The following STOX1 variants were observed in gnomAD, a reference collection of about 807,000 sequenced individuals.
STOX1 encodes the protein storkhead box 1.
A neutral mutation model predicts 74.8 loss-of-function variants in STOX1; 57 were observed. The observed-to-expected ratio is 0.76, with a 90% CI of 0.62 to 0.95. STOX1 has a LOEUF of 0.95. Ranked by LOEUF, STOX1 falls within the 40% of genes least tolerant of loss-of-function variation. STOX1 has a pLI of 0.00. For synonymous variants in STOX1, 375 were observed against 401.3 expected (o/e 0.93, Z 0.78); for missense variants, 1,010 against 1,117.0 (o/e 0.90, Z 1.37).
intron 2 of STOX1, among the ~76,000 whole-genome samples, chr10:68,883,972 C>T (rs112649194): frequency 0.059 from 8,983 of 151,948 alleles, 863 homozygotes; most frequent in African/African-American, 0.2. Context: ...GATCCTTCCA[C>T]ACCTGGCTAA....
Position 68,884,919 on chromosome 10 carries a change from A to G in STOX1, c.1123A>G (p.Ile375Val). 1 of 1,614,144 alleles carries G rather than the reference A, an allele frequency of 6.2e-7. No homozygotes were observed. Among genetic ancestry groups the G allele is most frequent in the Non-Finnish European group, 8.5e-7 (1 of 1,180,018 alleles). Residue 375 changes from isoleucine (I) to valine (V), a missense_variant, in exon 3 of 4, where the codon ATC becomes GTC. Coordinates refer to ENST00000298596, the MANE Select transcript of STOX1 (RefSeq NM_152709.5). Reference protein sequence around the residue: ...INPILTVDNLIKHTVLMQKYE... With the variant: ...INPILTVDNLVKHTVLMQKYE... ...CCCCATTTTGACTGTTGACAATTTA[A>G]TCAAACACACTGTCCTAATGCAAAA...
chr10:68,885,294 TTG>T lies in STOX1; in HGVS notation c.1500_1501del (p.Leu500PhefsTer18). 1 of 1,614,212 alleles carries T rather than the reference TTG, an allele frequency of 6.2e-7. No homozygotes were observed. The highest frequency in any genetic ancestry group is 2.2e-5 in the East Asian group (1 of 44,886). On this transcript the variant is annotated frameshift_variant, in exon 3 of 4. Coordinates refer to ENST00000298596, the MANE Select transcript of STOX1 (RefSeq NM_152709.5). LOFTEE classifies it high-confidence loss of function. ...KKRISNPFQG[L>X]SHRGSTISKG... is the part of the protein sequence containing the mutation. The stretch of plus-strand genomic sequence containing the variant: ...GCGAATCAGTAATCCTTTCCAGGGT[TTG>T]TCTCACCGAGGAAGCACAATATCCA...
At chr10:68,880,164 C>CTTTTTTTTTTTTTTTT (rs71028800) in intron 1 of STOX1, among the ~76,000 whole-genome samples, 48 of 124,424 alleles carry the variant, frequency 3.9e-4, no homozygotes, top group African/African-American at 1.1e-3. Flanking sequence ...TCTTTCTTTC[C>CTTTTTTTTTTTTTTTT]TTTTTTTTTT....
Position 68,885,048 on chromosome 10 carries a change from C to T in STOX1, c.1252C>T (p.Leu418=), listed in dbSNP as rs560123012. The T allele has an allele frequency of 5.0e-6, 8 of 1,614,144 alleles. No individual in the cohort carries two copies. The highest frequency in any genetic ancestry group is 6.8e-6 in the Non-Finnish European group (8 of 1,180,032). The change falls in exon 3 of 4, where the codon CTG becomes TTG. Residue 418 remains leucine, a synonymous_variant. Transcript: ENST00000298596. ...SKEGVKKRQG[L]SAKPQGQGHS... is the part of the protein sequence containing the mutation. ...AGAGGGGGTTAAGAAAAGGCAGGGT[C>T]TGTCTGCAAAACCTCAAGGGCAGGG...
Position 68,884,674 on chromosome 10 carries a change from G to A in STOX1, c.878G>A (p.Cys293Tyr), listed in dbSNP as rs745801979. 2 of 1,614,166 alleles carry A rather than the reference G, an allele frequency of 1.2e-6. No homozygotes were observed. The highest frequency in any genetic ancestry group is 1.7e-5 in the Admixed American group (1 of 60,028). Residue 293 changes from cysteine to tyrosine, a missense_variant, in exon 3 of 4, where the codon TGT becomes TAT. By Grantham distance (194) the Cys-to-Tyr change is radical. Transcript: ENST00000298596. ...AVSVSAEHHICESTKPLPYTR... is the reference protein window; with the variant it reads ...AVSVSAEHHIYESTKPLPYTR... ...TCAGTGTCTGCGGAGCACCACATTT[G>A]TGAGAGCACCAAACCTTTACCATAC...
Position 68,885,371 on chromosome 10 carries a change from A to T in STOX1, c.1575A>T (p.Gly525=). The change falls in exon 3 of 4, where the codon GGA becomes GGT. Residue 525 remains glycine (G), a synonymous_variant. Coordinates refer to ENST00000298596, the MANE Select transcript of STOX1 (RefSeq NM_152709.5). Reference sequence around the variant, plus strand: ...GTGATCTGAAACCCAGCCAGACTGGACCAAAGGAAAAGCCTTTCCAAAAGC... The same window carrying T: ...GTGATCTGAAACCCAGCCAGACTGGTCCAAAGGAAAAGCCTTTCCAAAAGC... ...KTSDLKPSQT[G]PKEKPFQKPR... 1 of 1,614,166 alleles carries T rather than the reference A, an allele frequency of 6.2e-7. No homozygotes were observed. The highest frequency in any genetic ancestry group is 8.5e-7 in the Non-Finnish European group (1 of 1,179,990).
chr10:68,864,551 T>G (rs1284101963), intron 1 of STOX1, among the ~76,000 whole-genome samples: 1 of 152,194 alleles, frequency 6.6e-6, no homozygotes, highest in Non-Finnish European at 1.5e-5. Flanking sequence ...ACAATCTGAG[T>G]TCTCCCATTT....
Position 68,884,860 on chromosome 10 carries a change from G to C in STOX1, c.1064G>C (p.Arg355Pro), listed in dbSNP as rs764258906. The change falls in exon 3 of 4, where the codon CGA becomes CCA. Residue 355 changes from arginine to proline, a missense_variant. By Grantham distance (103) the Arg-to-Pro change is moderately radical. Coordinates refer to ENST00000298596, the MANE Select transcript of STOX1 (RefSeq NM_152709.5). ...GAAGATGACTTGGACAATATCCCTC[G>C]AGATGTTGAACATGAGATAATCAAA... ...RDEDDLDNIPRDVEHEIIKRI... is the reference protein window; with the variant it reads ...RDEDDLDNIPPDVEHEIIKRI... 6.2e-7 allele frequency: 1 copy of C among 1,613,976 alleles called. No individual in the cohort carries two copies. Among genetic ancestry groups the C allele is most frequent in the East Asian group, 2.2e-5 (1 of 44,892 alleles).
intron 1 of STOX1, among the ~76,000 whole-genome samples, chr10:68,838,142 C>G (rs1008422560): frequency 1.3e-5 from 2 of 151,888 alleles, no homozygotes; most frequent in African/African-American, 4.8e-5. Flanking sequence ...TCATGGCTCC[C>G]TGCAGCCTCG....
Position 68,827,803 on chromosome 10 carries a change from G to C in STOX1, c.180G>C (p.Leu60=). The C allele has an allele frequency of 4.2e-6, 2 of 471,490 alleles. No individual in the cohort carries two copies. Among genetic ancestry groups the C allele is most frequent in the Non-Finnish European group, 5.1e-6 (2 of 389,586 alleles). The allele number at this position is 471,490 out of a possible 1,614,324, so 29.2% of individuals were successfully genotyped here. Residue 60 remains leucine (L), a synonymous_variant, in exon 1 of 4, where the codon CTG becomes CTC. Coordinates refer to ENST00000298596, the MANE Select transcript of STOX1 (RefSeq NM_152709.5). ...NARLARAASR[L]AFQGWLRRGV... ...GGCTGGCGCGCGCCGCCTCGCGGCT[G>C]GCCTTCCAGGGCTGGCTGCGGCGGG...
intron 1 of STOX1, chr10:68,829,064 GGT>G (rs1233251171): frequency 9.9e-6 from 9 of 905,176 alleles, no homozygotes; most frequent in Non-Finnish European, 1.1e-5. Context: ...GCCATTTGAT[GGT>G]GTGTTGACAA....
At chr10:68,855,188 T>A (rs1379720836) in intron 1 of STOX1, among the ~76,000 whole-genome samples, 1 of 151,410 alleles carries the variant, frequency 6.6e-6, no homozygotes, top group Non-Finnish European at 1.5e-5. Context: ...TGGCGTGATC[T>A]TGGCTCACTG....
intron 1 of STOX1, among the ~76,000 whole-genome samples, chr10:68,845,467 G>A (rs937494958): frequency 6.6e-6 from 1 of 150,892 alleles, no homozygotes. Context: ...GTAGAGACAG[G>A]GTTTCACCAT....
chr10:68,881,854 A>C (rs1028046169), intron 1 of STOX1, 104 bp from the exon 2 acceptor site: 10 of 1,303,548 alleles, frequency 7.7e-6, no homozygotes, highest in Non-Finnish European at 9.9e-6. Flanking sequence ...AAAGAATTGC[A>C]ATTCTACCTA....
intron 1 of STOX1, among the ~76,000 whole-genome samples, chr10:68,874,148 A>G (rs1840619163): frequency 6.6e-6 from 1 of 151,784 alleles, no homozygotes; most frequent in Non-Finnish European, 1.5e-5. Context: ...TAGCCAAAAA[A>G]GTTAGAATCC....
chr10:68,860,276 A>G (rs1260583445), intron 1 of STOX1, among the ~76,000 whole-genome samples: 4 of 146,062 alleles, frequency 2.7e-5, no homozygotes, highest in Non-Finnish European at 3.0e-5. Context: ...TCGGTGGGGG[A>G]AAGAGTCTCA....
At position 68,827,641 on chromosome 10, in the gene STOX1, G is replaced by T; in HGVS notation, c.18G>T (p.Gln6His). The change falls in exon 1 of 4, where the codon CAG becomes CAT. Residue 6 changes from glutamine (Q) to histidine (H), a missense_variant. Coordinates refer to ENST00000298596, the MANE Select transcript of STOX1 (RefSeq NM_152709.5). Reference protein sequence around the residue: MARPVQLAPGSLALVL... With the variant: MARPVHLAPGSLALVL... ...GCGAAAGCATGGCCCGGCCCGTGCA[G>T]CTGGCGCCGGGCTCGCTGGCGCTAG... 2.6e-6 allele frequency: 3 copies of T among 1,145,830 alleles called. No homozygotes were observed. The highest frequency in any genetic ancestry group is 3.2e-6 in the Non-Finnish European group (3 of 932,802). 71.0% of individuals were successfully genotyped at this position (1,145,830 alleles called of 1,614,324 possible).
intron 1 of STOX1, among the ~76,000 whole-genome samples, chr10:68,870,142 A>C (rs1261284205): frequency 6.6e-6 from 1 of 152,064 alleles, no homozygotes; most frequent in African/African-American, 2.4e-5. Flanking sequence ...TTAAATTTTT[A>C]TTTATTTTAT....
At chr10:68,888,560 A>AT (rs1841021478) in intron 3 of STOX1, among the ~76,000 whole-genome samples, 2 of 148,682 alleles carry the variant, frequency 1.3e-5, no homozygotes, top group African/African-American at 5.0e-5. Flanking sequence ...TCATATGAAC[A>AT]TTTTCCCTAT....
Sources: allele counts gnomAD v4.1 joint callset (sites outside exome capture counted in the v4.1 genomes callset), GRCh38; gene constraint gnomAD v4.1.1; transcripts MANE v1.5; gene names NCBI Gene and HGNC (gene_info 2026-07-23, HGNC 2026-07-21).